DCT: variants seen among roughly 807,000 people sequenced by gnomAD.
DCT encodes L-dopachrome tautomerase.
A neutral mutation model predicts 53.0 loss-of-function variants in DCT; 47 were observed. The observed-to-expected ratio is 0.89, with a 90% CI of 0.70 to 1.13. The LOEUF is 1.13. DCT is among the 50% of genes most tolerant of loss of function. The pLI is 0.00. For missense variants in DCT, 669 were observed against 637.4 expected, an observed-to-expected ratio of 1.05 and a Z score of -0.53; for synonymous variants, 244 against 237.0, an observed-to-expected ratio of 1.03 and a Z score of -0.27.
At chr13:94,487,599 T>C in the DCT span, among the ~76,000 whole-genome samples, 7 of 152,146 alleles carry the variant, frequency 4.6e-5, no homozygotes, top group Non-Finnish European at 8.8e-5. Context: ...GAAAGGTAGA[T>C]GTGTTAGAGC....
chr13:94,452,539 T>C (rs1041500580), intron 6 of DCT: 7 of 724,376 alleles, frequency 9.7e-6, no homozygotes, highest in South Asian at 6.2e-5. Context: ...GGCAATTCTG[T>C]AACATTTATC....
the DCT span, among the ~76,000 whole-genome samples, chr13:94,538,762 T>C: frequency 2.0e-5 from 3 of 152,188 alleles, no homozygotes; most frequent in Non-Finnish European, 4.4e-5. Context: ...GCAGTTTCTC[T>C]CTTTACCTGG....
rs546027944 is a variant in DCT at position 94,468,927 on chromosome 13, T to A, written c.414A>T (p.Arg138Ser). 1.3e-5 allele frequency: 21 copies of A among 1,614,144 alleles called. No homozygotes were observed. In the African/African-American group the frequency reaches 2.7e-4, roughly 20 times the overall value. The change falls in exon 2 of 8, where the codon AGA (arginine) becomes AGT (serine). Residue 138 changes from arginine (R) to serine (S), a missense_variant. Transcript: ENST00000377028. ...GATCTAAGGCGCCCAAGAACTGCTC[T>A]CTTTCCTGAGGACTCAAGGAATGGA... The part of the protein sequence containing the change: ...QNIHSLSPQE[R>S]EQFLGALDLA...
At chr13:94,461,832 T>C (rs988815536) in intron 5 of DCT, among the ~76,000 whole-genome samples, 178 bp downstream of exon 5, 2 of 152,132 alleles carry the variant, frequency 1.3e-5, no homozygotes, top group Non-Finnish European at 2.9e-5. Context: ...TTAGTCATAG[T>C]AGATGGGTAA....
the DCT span, among the ~76,000 whole-genome samples, chr13:94,517,055 T>C: frequency 1.3e-5 from 2 of 152,230 alleles, no homozygotes; most frequent in Non-Finnish European, 2.9e-5. Flanking sequence ...ATACTAATTA[T>C]GTAGTTTCTA....
At chr13:94,541,286 C>T in the DCT span, among the ~76,000 whole-genome samples, 6 of 151,992 alleles carry the variant, frequency 3.9e-5, no homozygotes, top group Admixed American at 3.9e-4. Flanking sequence ...GGTGGATCAC[C>T]TGAAGTCAGG....
the DCT span, among the ~76,000 whole-genome samples, chr13:94,497,259 C>G: frequency 6.6e-6 from 1 of 152,186 alleles, no homozygotes; most frequent in Non-Finnish European, 1.5e-5. Context: ...TGCTTTCAGA[C>G]TTGAACGGTA....
chr13:94,523,288 C>G, the DCT span, among the ~76,000 whole-genome samples: 2 of 152,224 alleles, frequency 1.3e-5, no homozygotes, highest in Non-Finnish European at 2.9e-5. Flanking sequence ...AGAGCATGTA[C>G]TTAAAATAAA....
the DCT span, among the ~76,000 whole-genome samples, chr13:94,524,875 G>T: frequency 6.6e-6 from 1 of 152,010 alleles, no homozygotes; most frequent in Non-Finnish European, 1.5e-5. Context: ...AATATGATCC[G>T]TACCCATTAT....
chr13:94,544,609 T>C, the DCT span, among the ~76,000 whole-genome samples: 2 of 152,128 alleles, frequency 1.3e-5, no homozygotes, highest in Admixed American at 6.5e-5. Flanking sequence ...AGATGATCCA[T>C]TAGAAAAGGA....
In DCT at chr13:94,465,766, A is replaced by G. The variant is rs1884150334; in HGVS notation, c.730T>C (p.Tyr244His). ...TTCCTCCCAGTGGCAAAGTTCCAGT[A>G]GGGCAAAGCAAAAGACTCATTGCCA... The part of the protein sequence containing the change: ...LIGNESFALP[Y>H]WNFATGRNEC... Residue 244 changes from tyrosine (Y) to histidine (H), a missense_variant, in exon 4 of 8, where the codon TAC becomes CAC. Transcript: ENST00000377028. The G allele has an allele frequency of 1.2e-6, 2 of 1,612,500 alleles. No individual in the cohort carries two copies. Among genetic ancestry groups the G allele is most frequent in the African/African-American group, 1.3e-5 (1 of 74,678 alleles).
At chr13:94,548,664 C>CG in the DCT span, among the ~76,000 whole-genome samples, 3 of 151,842 alleles carry the variant, frequency 2.0e-5, no homozygotes, top group African/African-American at 7.3e-5. Context: ...TGGGCTCCCA[C>CG]AGGTAGCTGG....
At chr13:94,440,257 T>C (rs1882194136) in intron 7 of DCT, among the ~76,000 whole-genome samples, 181 bp from the exon 8 acceptor site, 1 of 152,232 alleles carries the variant, frequency 6.6e-6, no homozygotes, top group Non-Finnish European at 1.5e-5. Flanking sequence ...ATTGTTTTTC[T>C]TGGGGTAGTC....
At chr13:94,509,709 A>G in the DCT span, among the ~76,000 whole-genome samples, 1 of 152,336 alleles carries the variant, frequency 6.6e-6, no homozygotes, top group East Asian at 1.9e-4. Context: ...CTTATTATAC[A>G]TAAAATGGAA....
chr13:94,488,706 C>T, the DCT span, among the ~76,000 whole-genome samples: 1 of 148,726 alleles, frequency 6.7e-6, no homozygotes, highest in Non-Finnish European at 1.5e-5. Context: ...TACGGCCAGA[C>T]CTTCTTGTCT....
At chr13:94,485,132 C>T in the DCT span, among the ~76,000 whole-genome samples, 6 of 14,240 alleles carry the variant, frequency 4.2e-4, no homozygotes, top group South Asian at 2.8e-3. Flanking sequence ...TGCTGGGGGG[C>T]GGTGGGGGGG....
chr13:94,491,903 A>G, the DCT span, among the ~76,000 whole-genome samples: 1 of 152,170 alleles, frequency 6.6e-6, no homozygotes, highest in South Asian at 2.1e-4. Flanking sequence ...TTAGATCTGG[A>G]TGAGAAGTTA....
chr13:94,461,734 C>T (rs1043386900), intron 5 of DCT, among the ~76,000 whole-genome samples: 1 of 152,082 alleles, frequency 6.6e-6, no homozygotes, highest in Non-Finnish European at 1.5e-5. Flanking sequence ...TACCCTGTTT[C>T]CAAAGACTGG....
rs1167983557 is a variant in DCT, at chr13:94,437,359, TTAA to T, written c.*2536_*2538del. On this transcript the variant is annotated 3_prime_UTR_variant, in exon 8 of 8. Coordinates refer to ENST00000377028, the MANE Select transcript of DCT (RefSeq NM_001922.5). Reference sequence around the variant, plus strand: ...TCCTTTTTAGTAAGTTTTCTACTTCTTAATAATGAGATTAAAACTAGTCATTAA... The same window carrying T: ...TCCTTTTTAGTAAGTTTTCTACTTCTTAATGAGATTAAAACTAGTCATTAA... 1 of 152,018 alleles carries T rather than the reference TTAA, an allele frequency of 6.6e-6. No homozygotes were observed. The highest frequency in any genetic ancestry group is 2.4e-5 in the African/African-American group (1 of 41,258). 9.4% of individuals were successfully genotyped at this position (152,018 alleles called of 1,614,324 possible).
Sources: allele counts gnomAD v4.1 joint callset (sites outside exome capture counted in the v4.1 genomes callset), GRCh38; gene constraint gnomAD v4.1.1; transcripts MANE v1.5; gene names NCBI Gene and HGNC (gene_info 2026-07-23, HGNC 2026-07-21).